SSU72: variants seen among roughly 807,000 people sequenced by gnomAD.
SSU72 encodes the protein RNA polymerase II subunit A C-terminal domain phosphatase SSU72.
A neutral mutation model predicts 22.7 loss-of-function variants in SSU72; 12 were observed. The ratio of observed to expected loss-of-function variants is 0.53; its 90% CI spans 0.34 to 0.86. The LOEUF (loss-of-function observed/expected upper bound fraction) is 0.86. Among genes scored for constraint, SSU72 ranks in the 40% least tolerant of loss-of-function variants. The pLI, the probability that SSU72 is intolerant of heterozygous loss-of-function variation, is 0.02. For synonymous variants in SSU72, 116 were observed against 98.3 expected, an observed-to-expected ratio of 1.18 and a Z score of -1.06; for missense variants, 151 against 249.8, an observed-to-expected ratio of 0.60 and a Z score of 2.67.
chr1:1,551,743 G>A (rs565797249), intron 2 of SSU72, among the ~76,000 whole-genome samples: 2 of 152,346 alleles, frequency 1.3e-5, no homozygotes, highest in African/African-American at 4.8e-5. Flanking sequence ...CATGTCCAGG[G>A]ACATCCTGAA....
chr1:1,566,842 G>A (rs1435996400), intron 1 of SSU72, among the ~76,000 whole-genome samples: 5 of 140,368 alleles, frequency 3.6e-5, no homozygotes, highest in African/African-American at 1.2e-4. Flanking sequence ...CGACAAGAGC[G>A]AGACCCTGTC....
chr1:1,574,664 A>G lies in SSU72; in HGVS notation c.-107T>C. On this transcript the variant is annotated 5_prime_UTR_variant, in exon 1 of 5. Transcript: ENST00000291386. ...GCGGTGGCCGGAAGCGGGCGACGCG[A>G]AACGACGGCGCCGGCGGTGTAGCGT... The G allele has an allele frequency of 5.2e-6, 6 of 1,162,622 alleles. No homozygotes were observed. Among genetic ancestry groups the G allele is most frequent in the Non-Finnish European group, 7.0e-6 (6 of 852,518 alleles). The allele number at this position is 1,162,622 out of a possible 1,614,324, so 72.0% of individuals were successfully genotyped here. A position where few individuals can be genotyped will look rare whatever the true frequency, so the allele number is the denominator to read the frequency against.
chr1:1,569,126 A>T (rs767568610), intron 1 of SSU72, among the ~76,000 whole-genome samples: 2 of 152,078 alleles, frequency 1.3e-5, no homozygotes, highest in African/African-American at 2.4e-5. Flanking sequence ...GTGAGCCGAG[A>T]TCTTGCCACT....
intron 2 of SSU72, 96 bp downstream of exon 2, chr1:1,564,677 T>G (rs775432271): frequency 2.8e-5 from 45 of 1,613,964 alleles, no homozygotes; most frequent in Non-Finnish European, 1.6e-5. Flanking sequence ...GTGTGTGCAC[T>G]GCACAGGGTG....
chr1:1,545,316 A>G, intron 2 of SSU72: 1 of 285,736 alleles, frequency 3.5e-6, no homozygotes, highest in Non-Finnish European at 6.3e-6. Context: ...CTCTCCCCTC[A>G]CTGCTGGCCC....
intron 2 of SSU72, among the ~76,000 whole-genome samples, chr1:1,546,860 CAAAAAAA>C (rs1169308811): frequency 0.01 from 781 of 75,068 alleles, 10 homozygotes; most frequent in African/African-American, 0.032. Flanking sequence ...ACAACAACAA[CAAAAAAA>C]AAAAAAAAAA....
chr1:1,572,656 ATCGTGTTAGCCAGGATAGTCTCAATC>A (rs1371134653), intron 1 of SSU72, among the ~76,000 whole-genome samples: 2 of 150,570 alleles, frequency 1.3e-5, no homozygotes, highest in Admixed American at 6.6e-5. Flanking sequence ...ACGGGGTTTC[ATCGTGTTAGCCAGGATAGTCTCAATC>A]TCCTGACTTT....
intron 2 of SSU72, among the ~76,000 whole-genome samples, chr1:1,550,162 C>T (rs1276797267): frequency 7.5e-5 from 10 of 133,624 alleles, no homozygotes; most frequent in East Asian, 4.4e-4. Context: ...TGAGACAGAG[C>T]GAGAGTGTCT....
At chr1:1,574,389 G>C in intron 1 of SSU72, 89 bp downstream of exon 1, 2 of 1,408,162 alleles carry the variant, frequency 1.4e-6, no homozygotes, top group South Asian at 1.3e-5. Context: ...TTCCTCTCAG[G>C]GGTCCTGGCG....
intron 2 of SSU72, among the ~76,000 whole-genome samples, chr1:1,550,743 G>T (rs1035457082): frequency 6.6e-6 from 1 of 152,200 alleles, no homozygotes; most frequent in African/African-American, 2.4e-5. Context: ...CCACACCAGG[G>T]AGGACAAGCC....
intron 2 of SSU72, among the ~76,000 whole-genome samples, chr1:1,550,767 G>A (rs1570385585): frequency 6.6e-6 from 1 of 152,306 alleles, no homozygotes; most frequent in East Asian, 1.9e-4. Flanking sequence ...CGGAGCCAGG[G>A]ACCATGGACT....
chr1:1,574,257 G>C (rs958389243), intron 1 of SSU72, among the ~76,000 whole-genome samples: 5 of 152,116 alleles, frequency 3.3e-5, no homozygotes, highest in Admixed American at 2.6e-4. Context: ...AGGACCACCG[G>C]ACAGCGGGCG....
intron 1 of SSU72, among the ~76,000 whole-genome samples, chr1:1,573,413 G>GAGC (rs1161619129): frequency 7.4e-6 from 1 of 135,190 alleles, no homozygotes; most frequent in Non-Finnish European, 1.6e-5. Context: ...TTGGGCGACA[G>GAGC]AGCAAGACTC....
chr1:1,563,527 G>C (rs1036290932), intron 2 of SSU72: 4 of 109,062 alleles, frequency 3.7e-5, no homozygotes, highest in African/African-American at 1.7e-4. Context: ...GTGAGACTCT[G>C]ACTCCATCTC....
intron 1 of SSU72, among the ~76,000 whole-genome samples, chr1:1,569,299 G>A (rs188879739): frequency 2.1e-4 from 32 of 152,330 alleles, no homozygotes; most frequent in African/African-American, 7.2e-4. Flanking sequence ...AGGAGGCTCT[G>A]TGGAAACGTA....
rs1642491385 is a variant in SSU72, at chr1:1,554,243, A to G, written c.225-9241T>C. On this transcript the variant is annotated intron_variant, in intron 2 of 4. Transcript: ENST00000291386. The surrounding 1 kb of genome is among the most constrained non-coding windows in gnomAD (Gnocchi z 4.1). ...AGGGGTCCCCACGAAGCTGAGCATG[A>G]GGCGGACCCGGACCACTCGGGGGCC... is the stretch of plus-strand genomic sequence containing the variant. Among the ~76,000 whole-genome samples the G allele has an allele frequency of 6.9e-6, 1 of 144,836 alleles. No individual in the cohort carries two copies. Among genetic ancestry groups the G allele is most frequent in the Non-Finnish European group, 1.6e-5 (1 of 63,536 alleles).
chr1:1,557,183 C>T (rs1469535435), intron 2 of SSU72, among the ~76,000 whole-genome samples: 1 of 152,042 alleles, frequency 6.6e-6, no homozygotes, highest in African/African-American at 2.4e-5. Context: ...GTGGCCGAGG[C>T]GGGTGAATCA....
At chr1:1,545,129 C>G in intron 2 of SSU72, 127 bp from the exon 3 acceptor site, 2 of 1,154,434 alleles carry the variant, frequency 1.7e-6, no homozygotes, top group Admixed American at 2.1e-5. Context: ...AAGGCCTGGA[C>G]AGCGGAGTGG....
intron 2 of SSU72, chr1:1,562,845 A>C (rs1180907901): frequency 2.0e-5 from 3 of 152,336 alleles, no homozygotes; most frequent in African/African-American, 4.8e-5. Context: ...AGATTTTTCC[A>C]AACGCAGGTT....
Sources: allele counts gnomAD v4.1 joint callset (sites outside exome capture counted in the v4.1 genomes callset), GRCh38; gene constraint gnomAD v4.1.1; non-coding constraint Gnocchi (gnomAD v3.1); transcripts MANE v1.5; gene names NCBI Gene and HGNC (gene_info 2026-07-23, HGNC 2026-07-21).